Variants in KCTD1 observed in about 807,000 individuals in gnomAD.
The protein encoded by KCTD1 is potassium channel tetramerization domain containing 1.
A neutral mutation model predicts 66.0 loss-of-function variants in KCTD1; 24 were observed. The ratio of observed to expected loss-of-function variants is 0.36; its 90% CI spans 0.26 to 0.51. The LOEUF (loss-of-function observed/expected upper bound fraction) is 0.51. Ranked by LOEUF, KCTD1 falls within the 20% of genes least tolerant of loss-of-function variation. KCTD1 has a pLI of 0.95. For missense variants in KCTD1, 943 were observed against 1,205.2 expected, an observed-to-expected ratio of 0.78 and a Z score of 3.22; for synonymous variants, 511 against 517.2, an observed-to-expected ratio of 0.99 and a Z score of 0.16.
At chr18:26,588,297 A>AGGAAGGGAAGGGAAGGGACG (rs1986515463) in intron 1 of KCTD1, among the ~76,000 whole-genome samples, 1 of 140,954 alleles carries the variant, frequency 7.1e-6, no homozygotes. Context: ...AAAGAGGGAA[A>AGGAAGGGAAGGGAAGGGACG]GGAAGGGAAG....
At chr18:26,615,989 C>T (rs1456973555) in intron 1 of KCTD1, among the ~76,000 whole-genome samples, 1 of 152,080 alleles carries the variant, frequency 6.6e-6, no homozygotes, top group Non-Finnish European at 1.5e-5. Flanking sequence ...TGGGGTTTCA[C>T]CATGTTGGCC....
At chr18:26,546,397 C>G (rs1339301342) in intron 1 of KCTD1, among the ~76,000 whole-genome samples, 2 of 152,186 alleles carry the variant, frequency 1.3e-5, no homozygotes, top group Non-Finnish European at 2.9e-5. Flanking sequence ...ACAGTGTTCT[C>G]GCAGTCTTTG....
chr18:26,644,617 G>A (rs1987897010), upstream of KCTD1, among the ~76,000 whole-genome samples: 1 of 152,118 alleles, frequency 6.6e-6, no homozygotes, highest in Non-Finnish European at 1.5e-5. Flanking sequence ...AATTAGCTGG[G>A]TGTGGTGGTG....
At chr18:26,649,360 T>C (rs1170856210) in intron 1 of KCTD1, among the ~76,000 whole-genome samples, 1 of 152,152 alleles carries the variant, frequency 6.6e-6, no homozygotes, top group Non-Finnish European at 1.5e-5. Flanking sequence ...TGGCAGTAAG[T>C]GGATTGCACC....
chr18:26,604,389 C>T (rs1046325544), intron 1 of KCTD1, among the ~76,000 whole-genome samples: 8 of 152,198 alleles, frequency 5.3e-5, no homozygotes, highest in Non-Finnish European at 8.8e-5. Context: ...TACCATTTGA[C>T]CCAGCAATCC....
chr18:26,521,299 C>G (rs1197624060), intron 1 of KCTD1, among the ~76,000 whole-genome samples: 1 of 152,240 alleles, frequency 6.6e-6, no homozygotes, highest in African/African-American at 2.4e-5. Flanking sequence ...CTCATTTAAT[C>G]TTTACAGTGG....
chr18:26,495,236 C>G lies in KCTD1; in HGVS notation c.1988+5836G>C, dbSNP rs367568073. Among the ~76,000 whole-genome samples the G allele has an allele frequency of 1.2e-3, 175 of 152,126 alleles. 6 individuals are homozygous for G. In the South Asian group the frequency reaches 0.035, roughly 31 times the overall value. On this transcript the variant is annotated intron_variant, in intron 2 of 4. Transcript: ENST00000580059. The stretch of plus-strand genomic sequence containing the variant: ...TCATAAAAAGTGATAGCACAGAATC[C>G]CCAACCCTAATACAGGATTACAGCA...
intron 2 of KCTD1, among the ~76,000 whole-genome samples, chr18:26,488,984 T>G (rs1445579453): frequency 6.6e-6 from 1 of 152,198 alleles, no homozygotes; most frequent in African/African-American, 2.4e-5. Context: ...AGCTTCCAGG[T>G]GCCTACTGTT....
intron 1 of KCTD1, among the ~76,000 whole-genome samples, chr18:26,616,387 C>T (rs898143212): frequency 1.3e-5 from 2 of 151,428 alleles, no homozygotes; most frequent in Non-Finnish European, 2.9e-5. Context: ...GTTTTATATG[C>T]CTATTTCTTT....
At chr18:26,606,298 G>C (rs1987014065) in intron 1 of KCTD1, among the ~76,000 whole-genome samples, 1 of 152,116 alleles carries the variant, frequency 6.6e-6, no homozygotes, top group Non-Finnish European at 1.5e-5. Context: ...GTATGATGAG[G>C]CATGTCTGAC....
At chr18:26,490,997 C>T (rs971306755) in intron 2 of KCTD1, among the ~76,000 whole-genome samples, 3 of 152,150 alleles carry the variant, frequency 2.0e-5, no homozygotes, top group African/African-American at 7.2e-5. Flanking sequence ...AAGTGATCCG[C>T]CCACCTCGGC....
upstream of KCTD1, among the ~76,000 whole-genome samples, chr18:26,551,067 G>A (rs1985548304): frequency 6.6e-6 from 1 of 152,154 alleles, no homozygotes; most frequent in African/African-American, 2.4e-5. Context: ...CCCCACCTCT[G>A]CGGGCGGCGG....
chr18:26,474,453 C>T (rs943163672), intron 3 of KCTD1, among the ~76,000 whole-genome samples: 10 of 152,182 alleles, frequency 6.6e-5, no homozygotes, highest in East Asian at 5.8e-4. Context: ...CCAACCACAC[C>T]GTATGTTCCC....
intron 1 of KCTD1, among the ~76,000 whole-genome samples, chr18:26,628,337 TGC>T (rs1491564650): frequency 6.6e-6 from 1 of 151,906 alleles, no homozygotes; most frequent in Non-Finnish European, 1.5e-5. Context: ...CACACACACA[TGC>T]ACACACACAC....
intron 1 of KCTD1, among the ~76,000 whole-genome samples, chr18:26,520,113 G>A (rs1983841956): frequency 6.6e-6 from 1 of 152,170 alleles, no homozygotes; most frequent in Non-Finnish European, 1.5e-5. Flanking sequence ...TTGCATATTA[G>A]CATTTTGATA....
rs557095790 is a variant in KCTD1, at chr18:26,597,037, G to A, written c.-16+32110C>T. 4.3e-4 allele frequency among the ~76,000 whole-genome samples: 66 copies of A among 152,126 alleles called. 1 individual carries two copies. The South Asian group carries it at 4.8e-3, about 11-fold the overall frequency. ...GCTCTGGGGAAGCTGCAGTGACCCA[G>A]AGAAGGCACTGGAGTCTCGGTGGGT... On this transcript the variant is annotated intron_variant, in intron 1 of 4. Transcript: ENST00000317932.
intron 1 of KCTD1, among the ~76,000 whole-genome samples, chr18:26,515,887 C>T (rs887459492): frequency 1.9e-4 from 29 of 152,092 alleles, no homozygotes; most frequent in African/African-American, 6.0e-4. Flanking sequence ...GTGAAATGGG[C>T]GGCAGAATTT....
At chr18:26,585,131 A>G (rs965444705) in intron 1 of KCTD1, among the ~76,000 whole-genome samples, 6 of 152,130 alleles carry the variant, frequency 3.9e-5, no homozygotes, top group African/African-American at 1.4e-4. Context: ...TGGGAGCCAA[A>G]GAGAAAAGTG....
intron 1 of KCTD1, among the ~76,000 whole-genome samples, chr18:26,519,385 C>T (rs1017304035): frequency 3.9e-5 from 6 of 152,300 alleles, no homozygotes; most frequent in African/African-American, 1.4e-4. Flanking sequence ...GTTCCTAAGT[C>T]AGTCCAGTAT....
Sources: allele counts gnomAD v4.1 joint callset (sites outside exome capture counted in the v4.1 genomes callset), GRCh38; gene constraint gnomAD v4.1.1; transcripts MANE v1.5; gene names NCBI Gene and HGNC (gene_info 2026-07-23, HGNC 2026-07-21).